The following CELF2 variants were observed in gnomAD, a reference collection of about 807,000 sequenced individuals.
CELF2 encodes the protein CUGBP Elav-like family member 2.
CELF2 carries 8 observed loss-of-function variants against 62.6 expected under a neutral mutation model. The observed-to-expected ratio is 0.13, with a 90% confidence interval of 0.07 to 0.23. The LOEUF (loss-of-function observed/expected upper bound fraction) is 0.23, where lower values mean the gene tolerates loss of function less well. Among genes scored for constraint, CELF2 ranks in the 10% least tolerant of loss-of-function variants. The pLI is 1.00. For missense variants in CELF2, 333 were observed against 671.0 expected (o/e 0.50, Z 5.56); for synonymous variants, 258 against 250.0 (o/e 1.03, Z -0.30).
At chr10:10,480,916 C>T in the CELF2 span, among the ~76,000 whole-genome samples, 1 of 152,096 alleles carries the variant, frequency 6.6e-6, no homozygotes, top group African/African-American at 2.4e-5. Context: ...GATAAAGAAT[C>T]TTGCCCAGTG....
chr10:10,910,707 A>C (rs1174855874), intron 1 of CELF2, among the ~76,000 whole-genome samples: 1 of 151,206 alleles, frequency 6.6e-6, no homozygotes, highest in Non-Finnish European at 1.5e-5. Flanking sequence ...CTCAAAAAAA[A>C]AAAAAAAAAA....
Position 10,997,577 on chromosome 10 carries a change from T to A in CELF2, c.89+77578T>A, listed in dbSNP as rs898122096. Among the ~76,000 whole-genome samples, 1 of 152,212 alleles carries A rather than the reference T, an allele frequency of 6.6e-6. No individual in the cohort carries two copies. The highest frequency in any genetic ancestry group is 1.5e-5 in the Non-Finnish European group (1 of 68,028). On this transcript the variant is annotated intron_variant, in intron 2 of 13. Transcript: ENST00000636488. This position sits in a 1 kb window ranked among gnomAD's most constrained non-coding sequence, Gnocchi z 5.3. ...GTCATATTCACGTTTGGATCCCAGATAATGGTCGAGTAACGTAGTTTCTCT... is the reference window on the plus strand; with the variant it reads ...GTCATATTCACGTTTGGATCCCAGAAAATGGTCGAGTAACGTAGTTTCTCT...
At chr10:11,136,342 C>T (rs988973471) in intron 1 of CELF2, among the ~76,000 whole-genome samples, 18 of 152,300 alleles carry the variant, frequency 1.2e-4, no homozygotes, top group African/African-American at 4.3e-4. Flanking sequence ...GTGGCTCACA[C>T]CTGTAATCCC....
At position 11,244,822 on chromosome 10, in the gene CELF2, G is replaced by A. The variant is rs184854998; in HGVS notation, c.355-4331G>A. On this transcript the variant is annotated intron_variant, in intron 3 of 12. Coordinates refer to ENST00000633077, the MANE Select transcript of CELF2 (RefSeq NM_001326342.2). The surrounding 1 kb of genome is among the most constrained non-coding windows in gnomAD (Gnocchi z 4.2). Reference sequence around the variant, plus strand: ...CTGAAATGTCCTTTCCACATCTTCCGGTTAACATGAGGATTGCTTTGAGAA... The same window carrying A: ...CTGAAATGTCCTTTCCACATCTTCCAGTTAACATGAGGATTGCTTTGAGAA... 4.7e-4 allele frequency among the ~76,000 whole-genome samples: 71 copies of A among 152,218 alleles called. No individual in the cohort carries two copies. Among genetic ancestry groups the A allele is most frequent in the Admixed American group, 2.2e-3 (34 of 15,290 alleles).
rs992193 is a variant in CELF2 at position 10,931,353 on chromosome 10, C to T, written c.89+11354C>T. ...TATTCATCCTTAAACCTCTGCTTGTCATGCTGGCTGGGGGTGGGGGGTGTA... is the reference window on the plus strand; with the variant it reads ...TATTCATCCTTAAACCTCTGCTTGTTATGCTGGCTGGGGGTGGGGGGTGTA... On this transcript the variant is annotated intron_variant, in intron 2 of 13. Coordinates refer to the CELF2 transcript ENST00000636488. This position sits in a 1 kb window ranked among gnomAD's most constrained non-coding sequence, Gnocchi z 6.1. Among the ~76,000 whole-genome samples the T allele has an allele frequency of 0.63, 95,900 of 151,832 alleles. 30,740 individuals carry two copies. The highest frequency in any genetic ancestry group is 0.76 in the South Asian group (3,623 of 4,786).
intron 3 of CELF2, among the ~76,000 whole-genome samples, chr10:11,238,411 C>T (rs1418349081): frequency 6.6e-6 from 1 of 152,152 alleles, no homozygotes; most frequent in Non-Finnish European, 1.5e-5. Flanking sequence ...CCTCTAGTTT[C>T]TTGCTATTAA....
intron 1 of CELF2, among the ~76,000 whole-genome samples, chr10:10,799,476 T>C (rs1365384869): frequency 6.6e-6 from 1 of 151,736 alleles, no homozygotes; most frequent in Non-Finnish European, 1.5e-5. Context: ...AGAGTAAGAA[T>C]CCATCTCAAA....
the CELF2 span, among the ~76,000 whole-genome samples, chr10:10,669,546 G>A: frequency 2.0e-5 from 3 of 152,146 alleles, no homozygotes; most frequent in Admixed American, 1.3e-4. Flanking sequence ...TAAAGAAGAT[G>A]TGCAGATTCG....
chr10:10,820,626 A>T (rs2131961069), intron 1 of CELF2, among the ~76,000 whole-genome samples: 2 of 152,312 alleles, frequency 1.3e-5, no homozygotes, highest in Middle Eastern at 6.8e-3. Flanking sequence ...AGAGAGGTAC[A>T]GAGTGTTGTG....
At chr10:11,187,768 C>T (rs1047038165) in intron 2 of CELF2, among the ~76,000 whole-genome samples, 5 of 145,962 alleles carry the variant, frequency 3.4e-5, no homozygotes, top group South Asian at 2.3e-4. Flanking sequence ...TTTCTCCCTT[C>T]GCAGACTTTA....
At chr10:10,910,299 C>A (rs1235016109) in intron 1 of CELF2, among the ~76,000 whole-genome samples, 1 of 152,090 alleles carries the variant, frequency 6.6e-6, no homozygotes, top group Non-Finnish European at 1.5e-5. Context: ...CTGCAGAGTT[C>A]TTTAATAAAC....
In CELF2 at chr10:11,267,526, TG is replaced by T. The variant is rs1325189975; in HGVS notation, c.618+852del. 1.3e-5 allele frequency among the ~76,000 whole-genome samples: 2 copies of T among 152,242 alleles called. No individual in the cohort carries two copies. The highest frequency in any genetic ancestry group is 4.8e-5 in the African/African-American group (2 of 41,464). ...ATTATGTATACTGTATCTTTGTGTA[TG>T]GGTGATCTTTTCCGGAGGTGGCCTT... On this transcript the variant is annotated intron_variant, in intron 6 of 12. Transcript: ENST00000633077. This position sits in a 1 kb window ranked among gnomAD's most constrained non-coding sequence, Gnocchi z 4.4.
the CELF2 span, among the ~76,000 whole-genome samples, chr10:10,699,886 T>C: frequency 6.6e-6 from 1 of 152,184 alleles, no homozygotes; most frequent in Non-Finnish European, 1.5e-5. Context: ...ATCGCCGTAG[T>C]TTCCAGTTCT....
At chr10:10,705,569 A>C in the CELF2 span, among the ~76,000 whole-genome samples, 1 of 152,152 alleles carries the variant, frequency 6.6e-6, no homozygotes, top group Non-Finnish European at 1.5e-5. Flanking sequence ...TGGAGCCTAC[A>C]ACTTGCTATT....
chr10:10,846,173 T>C, intron 1 of CELF2: 2 of 930,624 alleles, frequency 2.1e-6, no homozygotes, highest in Non-Finnish European at 2.6e-6. Context: ...AATCCATTCC[T>C]TCCTCCCCTT....
Position 10,896,527 on chromosome 10 carries a change from C to T in CELF2, c.54-23437C>T, listed in dbSNP as rs1035067968. Among the ~76,000 whole-genome samples the T allele has an allele frequency of 4.0e-5, 6 of 151,234 alleles. No individual in the cohort carries two copies. The South Asian group carries it at 6.3e-4, about 16-fold the overall frequency. ...GGGGTCACACTAGATTAGGGTGGGC[C>T]CTAAATCCAATATGGCCAGTATTCT... On this transcript the variant is annotated intron_variant, in intron 1 of 13. Transcript: ENST00000636488.
At chr10:11,027,823 C>T (rs898997227) in intron 1 of CELF2, among the ~76,000 whole-genome samples, 1 of 152,162 alleles carries the variant, frequency 6.6e-6, no homozygotes, top group Middle Eastern at 3.2e-3. Context: ...CAAGATTCCT[C>T]GTCTAGAAAA....
chr10:11,134,961 A>G (rs1244794589), intron 1 of CELF2, among the ~76,000 whole-genome samples: 1 of 152,244 alleles, frequency 6.6e-6, no homozygotes, highest in African/African-American at 2.4e-5. Context: ...AGTGTCTAGC[A>G]TCAATGCTGT....
chr10:11,270,744 G>T lies in CELF2; in HGVS notation c.697G>T (p.Ala233Ser). 1 of 1,563,598 alleles carries T rather than the reference G, an allele frequency of 6.4e-7. No homozygotes were observed. ...KEQRRLQQQL[A>S]QQMQQLNTAT... is the part of the protein sequence containing the mutation. ...GCAAAGGCGCCTCCAGCAGCAGCTC[G>T]CTCAGCAGATGCAGCAGCTCAACAC... The change falls in exon 7 of 13, where the codon GCT (alanine) becomes TCT (serine). Residue 233 changes from alanine (A) to serine (S), a missense_variant. Around this residue, in one of 3 missense-constraint regions of CELF2, gnomAD observed 253 missense variants for 503.0 expected, o/e 0.50. Coordinates refer to ENST00000633077, the MANE Select transcript of CELF2 (RefSeq NM_001326342.2). This position sits in a 1 kb window ranked among gnomAD's most constrained non-coding sequence, Gnocchi z 5.8.
Sources: allele counts gnomAD v4.1 joint callset (sites outside exome capture counted in the v4.1 genomes callset), GRCh38; gene constraint gnomAD v4.1.1; regional missense constraint gnomAD v4.1.1; non-coding constraint Gnocchi (gnomAD v3.1); transcripts MANE v1.5; gene names NCBI Gene and HGNC (gene_info 2026-07-23, HGNC 2026-07-21).